SFMBT1: variants seen among roughly 807,000 people sequenced by gnomAD.
SFMBT1 encodes Scm like with four mbt domains 1.
SFMBT1 carries 32 observed loss-of-function variants against 108.7 expected under a neutral mutation model. That is an observed-to-expected ratio of 0.29 (90% CI 0.22 to 0.40). The LOEUF (loss-of-function observed/expected upper bound fraction) is 0.40. Among genes scored for constraint, SFMBT1 ranks in the 10% least tolerant of loss-of-function variants. The pLI is 1.00. For missense variants in SFMBT1, 816 were observed against 1,059.6 expected (o/e 0.77, Z 3.19); for synonymous variants, 348 against 369.5 (o/e 0.94, Z 0.67).
intron 1 of SFMBT1, among the ~76,000 whole-genome samples, chr3:52,971,557 T>C (rs1005901497): frequency 2.9e-4 from 44 of 152,130 alleles, no homozygotes; most frequent in Non-Finnish European, 4.0e-4. Flanking sequence ...CATATACTTA[T>C]CAAACACCAG....
intron 2 of SFMBT1, among the ~76,000 whole-genome samples, chr3:52,962,982 T>C (rs920508486): frequency 1.2e-4 from 3 of 25,074 alleles, no homozygotes; most frequent in Non-Finnish European, 3.8e-4. Context: ...GTTGAAGTTA[T>C]TTTATTTTAT....
Position 52,913,529 on chromosome 3 carries a change from A to G in SFMBT1, c.1569T>C (p.Ala523=). 2.5e-6 allele frequency: 4 copies of G among 1,614,216 alleles called. No individual in the cohort carries two copies. The highest frequency in any genetic ancestry group is 3.4e-6 in the Non-Finnish European group (4 of 1,180,026). The change falls in exon 15 of 21, where the codon GCT becomes GCC. Residue 523 remains alanine (A), a synonymous_variant. Coordinates refer to ENST00000394752, the MANE Select transcript of SFMBT1 (RefSeq NM_016329.4). ...CAGGTCCTACACATTGAGGCAGCTC[A>G]GCAATTCTTCCTTTGTTAAGATATG... ...SGPYLNKGRI[A]ELPQCVGPGN...
intron 1 of SFMBT1, among the ~76,000 whole-genome samples, chr3:52,970,368 T>C (rs986276865): frequency 1.3e-5 from 2 of 152,220 alleles, no homozygotes; most frequent in South Asian, 2.1e-4. Context: ...AATGGAACCA[T>C]ATGAAATGTG....
chr3:52,947,069 GC>G (rs1703393251), intron 3 of SFMBT1, among the ~76,000 whole-genome samples: 1 of 150,900 alleles, frequency 6.6e-6, no homozygotes, highest in Admixed American at 6.6e-5. Flanking sequence ...ACCACGCCTG[GC>G]TCCTTTTGCT....
chr3:52,916,163 G>C lies in SFMBT1; in HGVS notation c.1467C>G (p.Asn489Lys). The C allele has an allele frequency of 6.2e-7, 1 of 1,613,976 alleles. No homozygotes were observed. The highest frequency in any genetic ancestry group is 8.5e-7 in the Non-Finnish European group (1 of 1,179,924). ...VHEGLRNQEL[N>K]STESVMINGK... Reference sequence around the variant, plus strand: ...ATGTGCTTATACCTGACTCTGTGGAGTTCAGCTCCTGATTCCTCAGGCCCT... The same window carrying C: ...ATGTGCTTATACCTGACTCTGTGGACTTCAGCTCCTGATTCCTCAGGCCCT... Residue 489 changes from asparagine (N) to lysine (K), a missense_variant, in exon 14 of 21, where the codon AAC (asparagine) becomes AAG (lysine). Physicochemically the swap from Asn to Lys is moderately conservative, Grantham distance 94. Around this residue, in one of 5 missense-constraint regions of SFMBT1, gnomAD observed 495 missense variants for 607.4 expected, o/e 0.81. Transcript: ENST00000394752.
chr3:52,961,354 C>T (rs1415758365), intron 2 of SFMBT1, among the ~76,000 whole-genome samples: 2 of 152,118 alleles, frequency 1.3e-5, no homozygotes, highest in Non-Finnish European at 2.9e-5. Context: ...AGATGGATGG[C>T]AGTGATTACT....
chr3:53,015,155 G>A (rs1334501943), intron 1 of SFMBT1, among the ~76,000 whole-genome samples: 3 of 151,524 alleles, frequency 2.0e-5, no homozygotes, highest in Admixed American at 6.6e-5. Context: ...GTTGCAGTGA[G>A]CCAAGATCAT....
At chr3:52,987,222 T>A (rs1704954530) in intron 1 of SFMBT1, among the ~76,000 whole-genome samples, 1 of 152,118 alleles carries the variant, frequency 6.6e-6, no homozygotes, top group African/African-American at 2.4e-5. Context: ...AATTTTTTTT[T>A]AATAAATAAA....
chr3:53,042,809 TAA>T lies in SFMBT1; in HGVS notation c.-131+3005_-131+3006del, dbSNP rs556354140. 5.2e-3 allele frequency among the ~76,000 whole-genome samples: 794 copies of T among 152,234 alleles called. 12 individuals carry two copies. The highest frequency in any genetic ancestry group is 0.018 in the African/African-American group (761 of 41,536). Reference sequence around the variant, plus strand: ...CTGATCACATAAAAGTCAAGAAATTTAAAAAGAGCCACAAAAAGAAACAATGT... The same window carrying T: ...CTGATCACATAAAAGTCAAGAAATTTAAAGAGCCACAAAAAGAAACAATGT... On this transcript the variant is annotated intron_variant, in intron 1 of 20. Coordinates refer to ENST00000394752, the MANE Select transcript of SFMBT1 (RefSeq NM_016329.4).
Position 52,998,470 on chromosome 3 carries a change from G to A in SFMBT1, c.-130-29212C>T, listed in dbSNP as rs190956662. ...GCATTGGAGAAAGTAAAGGCTGGGT[G>A]CAGCTTCAAGCTGAGGACCACCCAC... On this transcript the variant is annotated intron_variant, in intron 1 of 20. Coordinates refer to ENST00000394752, the MANE Select transcript of SFMBT1 (RefSeq NM_016329.4). 3.6e-4 allele frequency among the ~76,000 whole-genome samples: 54 copies of A among 150,548 alleles called. 1 individual carries two copies. In the East Asian group the frequency reaches 9.9e-3, roughly 28 times the overall value.
chr3:52,987,800 C>A (rs1411690293), intron 1 of SFMBT1, among the ~76,000 whole-genome samples: 1 of 152,160 alleles, frequency 6.6e-6, no homozygotes, highest in African/African-American at 2.4e-5. Context: ...CAGATGCTGC[C>A]ATCTATAAGC....
chr3:52,916,774 A>G (rs1702371004), intron 13 of SFMBT1, among the ~76,000 whole-genome samples: 1 of 152,182 alleles, frequency 6.6e-6, no homozygotes, highest in Non-Finnish European at 1.5e-5. Flanking sequence ...GAGCCAATGG[A>G]CAGTCTGTAT....
At chr3:52,943,266 G>A (rs1426955435) in intron 4 of SFMBT1, 87 bp downstream of exon 4, 12 of 1,542,694 alleles carry the variant, frequency 7.8e-6, no homozygotes, top group Admixed American at 1.8e-5. Flanking sequence ...CTATATGCTC[G>A]AGAGACTTAA....
At chr3:52,938,788 G>GT (rs1181702035) in intron 4 of SFMBT1, among the ~76,000 whole-genome samples, 2 of 152,058 alleles carry the variant, frequency 1.3e-5, no homozygotes, top group African/African-American at 4.8e-5. Context: ...CCATCATTTA[G>GT]TTTAAGTTCT....
intron 4 of SFMBT1, among the ~76,000 whole-genome samples, chr3:52,936,375 T>C (rs1045425551): frequency 6.6e-6 from 1 of 152,220 alleles, no homozygotes; most frequent in African/African-American, 2.4e-5. Flanking sequence ...AAATAAACAG[T>C]TGATTGGCAG....
At chr3:52,975,165 A>G (rs1200617874) in intron 1 of SFMBT1, among the ~76,000 whole-genome samples, 1 of 152,214 alleles carries the variant, frequency 6.6e-6, no homozygotes. Context: ...ACTGGAAAAA[A>G]AGAAAACAAA....
intron 1 of SFMBT1, among the ~76,000 whole-genome samples, chr3:53,003,007 A>G (rs928362551): frequency 4.7e-5 from 7 of 147,968 alleles, no homozygotes; most frequent in African/African-American, 1.7e-4. Context: ...TTGTAATCCC[A>G]GCTACCTGGG....
Position 53,000,007 on chromosome 3 carries a change from T to C in SFMBT1, c.-130-30749A>G, listed in dbSNP as rs1000692364. On this transcript the variant is annotated intron_variant, in intron 1 of 20. Transcript: ENST00000394752. ...ATGAGTAGTTGGGACTACAGGCATG[T>C]GCCACCACATCAGCCCGGCTAATTT... 2.6e-4 allele frequency among the ~76,000 whole-genome samples: 39 copies of C among 150,042 alleles called. 2 individuals are homozygous for C. The highest frequency in any genetic ancestry group is 5.1e-4 in the African/African-American group (21 of 41,284).
At chr3:53,013,751 C>T (rs942989517) in intron 1 of SFMBT1, among the ~76,000 whole-genome samples, 14 of 149,632 alleles carry the variant, frequency 9.4e-5, no homozygotes, top group Non-Finnish European at 2.1e-4. Context: ...GTCTCAGCCT[C>T]CCAAGTAGCT....
Sources: gnomAD v4.1 joint callset for allele counts (sites outside exome capture counted in the v4.1 genomes callset) on GRCh38, gnomAD v4.1.1 for gene constraint, gnomAD v4.1.1 regional missense constraint, MANE v1.5 for transcripts, NCBI Gene and HGNC (gene_info 2026-07-23, HGNC 2026-07-21) for gene names.